The following KDM6A variants were observed in gnomAD, a reference collection of about 807,000 sequenced individuals.
The protein encoded by KDM6A is lysine-specific demethylase 6A.
A neutral mutation model predicts 117.6 loss-of-function variants in KDM6A; 11 were observed. The ratio of observed to expected loss-of-function variants is 0.09; its 90% CI spans 0.06 to 0.15. KDM6A has a LOEUF of 0.15. Ranked by LOEUF, KDM6A falls within the 10% of genes least tolerant of loss-of-function variation. The pLI is 1.00. For missense variants in KDM6A, 799 were observed against 1,077.3 expected (o/e 0.74, Z 3.62); for synonymous variants, 384 against 396.1 (o/e 0.97, Z 0.36).
chrX:45,107,293 T>C (rs1042599717), intron 27 of KDM6A, 117 bp from the exon 28 acceptor site: 3 of 708,365 alleles, frequency 4.2e-6, no homozygotes, highest in Admixed American at 2.7e-5. Flanking sequence ...AGAAAAATTA[T>C]GAAGTCATAG....
intron 25 of KDM6A, among the ~76,000 whole-genome samples, chrX:45,088,386 AT>A (rs760362913): frequency 4.4e-5 from 5 of 113,142 alleles, no homozygotes; most frequent in African/African-American, 1.3e-4. Context: ...GATAATAAAT[AT>A]TTTCACCTTT....
At position 45,111,761 on chromosome X, in the gene KDM6A, C is replaced by G. The variant is rs1049304623; in HGVS notation, c.*350C>G. 4.9e-6 allele frequency: 1 copy of G among 202,783 alleles called. No homozygotes were observed. The highest frequency in any genetic ancestry group is 9.1e-6 in the Non-Finnish European group (1 of 110,071). The allele number at this position is 202,783 out of a possible 1,213,427, so 16.7% of individuals were successfully genotyped here. On this transcript the variant is annotated 3_prime_UTR_variant, in exon 30 of 30. Coordinates refer to ENST00000611820, the MANE Select transcript of KDM6A (RefSeq NM_001291415.2). ...TGTTTTCATCTGTCTTTTCCCCCTTCAGAATTTTCCTTGGAAAAAAAATAC... is the reference window on the plus strand; with the variant it reads ...TGTTTTCATCTGTCTTTTCCCCCTTGAGAATTTTCCTTGGAAAAAAAATAC...
At chrX:44,954,862 C>A (rs188486164) in intron 2 of KDM6A, among the ~76,000 whole-genome samples, 1 of 110,773 alleles carries the variant, frequency 9.0e-6, no homozygotes, top group African/African-American at 3.3e-5. Context: ...GTGGCAGTAA[C>A]GGTGTAGTAC....
At chrX:45,093,654 T>A (rs1316522476) in intron 27 of KDM6A, among the ~76,000 whole-genome samples, 1 of 111,040 alleles carries the variant, frequency 9.0e-6, no homozygotes, top group Non-Finnish European at 1.9e-5. Context: ...TTTCTTCTTG[T>A]TGCCTGATTG....
intron 2 of KDM6A, among the ~76,000 whole-genome samples, chrX:44,884,295 A>T (rs993783190): frequency 9.1e-6 from 1 of 110,107 alleles, no homozygotes; most frequent in Non-Finnish European, 1.9e-5. Flanking sequence ...TGAACTCTCT[A>T]ATCAGGTGAA....
chrX:44,976,583 T>C (rs2039629180), intron 4 of KDM6A, among the ~76,000 whole-genome samples: 1 of 111,941 alleles, frequency 8.9e-6, no homozygotes. Flanking sequence ...ATTGCTATAC[T>C]GTATTGCTTT....
chrX:45,072,149 ATTTAG>A (rs1260861323), intron 18 of KDM6A, among the ~76,000 whole-genome samples: 1 of 112,171 alleles, frequency 8.9e-6, no homozygotes, highest in Non-Finnish European at 1.9e-5. Flanking sequence ...AATTTTAACT[ATTTAG>A]TTGTTATTCT....
chrX:45,111,280 TGA>T (rs1365800283), intron 29 of KDM6A, 100 bp from the exon 30 acceptor site: 10 of 695,606 alleles, frequency 1.4e-5, no homozygotes, highest in Admixed American at 2.3e-5. Context: ...TTGAACTTTT[TGA>T]GAGTTATTTC....
At chrX:45,033,817 TGC>T (rs2042700357) in intron 6 of KDM6A, among the ~76,000 whole-genome samples, 1 of 110,578 alleles carries the variant, frequency 9.0e-6, no homozygotes, top group Non-Finnish European at 1.9e-5. Flanking sequence ...ACTCCCAAAG[TGC>T]TGGGATTACA....
At chrX:44,921,237 G>T (rs1332027320) in intron 2 of KDM6A, among the ~76,000 whole-genome samples, 1 of 111,974 alleles carries the variant, frequency 8.9e-6, no homozygotes, top group Non-Finnish European at 1.9e-5. Flanking sequence ...ATAGGAAGTT[G>T]TGAAGAAATG....
At chrX:44,874,061 C>G (rs969401094) in intron 2 of KDM6A, 74 bp downstream of exon 2, 6 of 987,347 alleles carry the variant, frequency 6.1e-6, no homozygotes, top group Middle Eastern at 2.7e-4. Flanking sequence ...GCCCCGCGGC[C>G]GGGTCTGTGC....
chrX:45,040,856 T>C (rs2043120885), intron 8 of KDM6A, among the ~76,000 whole-genome samples: 1 of 75,788 alleles, frequency 1.3e-5, no homozygotes, highest in African/African-American at 5.1e-5. Context: ...ACTGGGCGGC[T>C]GGCCGGGCGG....
chrX:44,883,252 G>C (rs1236728388), intron 2 of KDM6A, among the ~76,000 whole-genome samples: 1 of 109,539 alleles, frequency 9.1e-6, no homozygotes, highest in Non-Finnish European at 1.9e-5. Context: ...GTATTTTTTT[G>C]TAGAGACAGG....
In KDM6A at chrX:45,111,582, A is replaced by G. The variant is rs931559332; in HGVS notation, c.*171A>G. ...CTGGACGGGAGAGAGTACTGCTCCTACTCCAGGACTCTCACAAAGCTGATG... is the reference window on the plus strand; with the variant it reads ...CTGGACGGGAGAGAGTACTGCTCCTGCTCCAGGACTCTCACAAAGCTGATG... On this transcript the variant is annotated 3_prime_UTR_variant, in exon 30 of 30. Coordinates refer to ENST00000611820, the MANE Select transcript of KDM6A (RefSeq NM_001291415.2). 7 of 448,390 alleles carry G rather than the reference A, an allele frequency of 1.6e-5. No homozygotes were observed. Among genetic ancestry groups the G allele is most frequent in the East Asian group, 3.7e-5 (1 of 27,332 alleles). 37.0% of individuals were successfully genotyped at this position (448,390 alleles called of 1,213,427 possible). A position where few individuals can be genotyped will look rare whatever the true frequency, so the allele number is the denominator to read the frequency against.
At chrX:44,875,101 G>T (rs1301106198) in intron 2 of KDM6A, among the ~76,000 whole-genome samples, 1 of 112,165 alleles carries the variant, frequency 8.9e-6, no homozygotes, top group Non-Finnish European at 1.9e-5. Context: ...TCGTAATTGG[G>T]ACCGTGAAAG....
chrX:44,980,313 TC>T (rs1318612689), intron 4 of KDM6A, among the ~76,000 whole-genome samples: 1 of 111,626 alleles, frequency 9.0e-6, no homozygotes, highest in Admixed American at 9.5e-5. Flanking sequence ...TTCCCTGTAT[TC>T]TTTTTCAAAA....
intron 2 of KDM6A, among the ~76,000 whole-genome samples, chrX:44,930,648 A>T (rs1334450978): frequency 8.9e-6 from 1 of 112,241 alleles, no homozygotes; most frequent in African/African-American, 3.2e-5. Context: ...GAATTATACA[A>T]AATGATTTTC....
At chrX:45,016,453 TTA>T (rs2041964615) in intron 5 of KDM6A, among the ~76,000 whole-genome samples, 1 of 98,719 alleles carries the variant, frequency 1.0e-5, no homozygotes, top group African/African-American at 3.9e-5. Context: ...TGATTTTATT[TTA>T]TGTATGTATG....
At chrX:44,958,667 G>GC (rs1156317001) in intron 2 of KDM6A, among the ~76,000 whole-genome samples, 1 of 83,198 alleles carries the variant, frequency 1.2e-5, no homozygotes, top group Non-Finnish European at 2.1e-5. Flanking sequence ...GAGAACATGT[G>GC]CCCGTAGACT....
Sources: gnomAD v4.1 joint callset for allele counts (sites outside exome capture counted in the v4.1 genomes callset) on GRCh38, gnomAD v4.1.1 for gene constraint, MANE v1.5 for transcripts, NCBI Gene and HGNC (gene_info 2026-07-23, HGNC 2026-07-21) for gene names.